BMPR1A: variants seen among roughly 807,000 people sequenced by gnomAD.
The protein encoded by BMPR1A is bone morphogenetic protein receptor type 1A.
A neutral mutation model predicts 66.0 loss-of-function variants in BMPR1A; 7 were observed. The ratio of observed to expected loss-of-function variants is 0.11; its 90% CI spans 0.06 to 0.20. BMPR1A has a LOEUF of 0.20. Among genes scored for constraint, BMPR1A ranks in the 10% least tolerant of loss-of-function variants. BMPR1A has a pLI of 1.00. For missense variants in BMPR1A, 408 were observed against 669.1 expected, an observed-to-expected ratio of 0.61 and a Z score of 4.31; for synonymous variants, 200 against 229.7, an observed-to-expected ratio of 0.87 and a Z score of 1.17.
At chr10:86,921,390 A>T (rs1843661535) in intron 10 of BMPR1A, 130 bp from the exon 11 acceptor site, 8 of 1,258,278 alleles carry the variant, frequency 6.4e-6, no homozygotes, top group Non-Finnish European at 9.0e-6. Context: ...AAAAATCTGA[A>T]AAATGCTAAA....
chr10:86,779,450 A>G (rs1380408663), intron 1 of BMPR1A, among the ~76,000 whole-genome samples: 1 of 152,084 alleles, frequency 6.6e-6, no homozygotes, highest in Admixed American at 6.6e-5. Flanking sequence ...CCATTTGCCC[A>G]TTTTTAATTG....
At chr10:86,761,962 C>CA (rs1246031153) in intron 1 of BMPR1A, among the ~76,000 whole-genome samples, 3 of 152,170 alleles carry the variant, frequency 2.0e-5, no homozygotes, top group Non-Finnish European at 4.4e-5. Flanking sequence ...TGGGGTTTGA[C>CA]AGAGGTTTGT....
chr10:86,810,214 C>G lies in BMPR1A; in HGVS notation c.-267-28651C>G, dbSNP rs1338723371. Among the ~76,000 whole-genome samples, 3 of 152,124 alleles carry G rather than the reference C, an allele frequency of 2.0e-5. No individual in the cohort carries two copies. In the East Asian group the frequency reaches 5.8e-4, roughly 29 times the overall value. On this transcript the variant is annotated intron_variant, in intron 1 of 12. Transcript: ENST00000372037. ...CAGGCTGGTCTTGAACTACTGACCT[C>G]AGGTGATCCACCCGCCTCAGTCTCC... is the stretch of plus-strand genomic sequence containing the variant.
intron 1 of BMPR1A, among the ~76,000 whole-genome samples, chr10:86,774,796 A>G (rs1841319870): frequency 6.6e-6 from 1 of 152,262 alleles, no homozygotes; most frequent in African/African-American, 2.4e-5. Context: ...TGTCATTTAC[A>G]CTAAATAAAT....
intron 1 of BMPR1A, among the ~76,000 whole-genome samples, chr10:86,805,331 A>C (rs540879709): frequency 2.7e-5 from 4 of 149,510 alleles, no homozygotes; most frequent in African/African-American, 7.5e-5. Context: ...ACATTTTCCC[A>C]TATTTGCATT....
At chr10:86,846,854 ACT>A (rs1207456955) in intron 2 of BMPR1A, among the ~76,000 whole-genome samples, 1 of 151,786 alleles carries the variant, frequency 6.6e-6, no homozygotes, top group African/African-American at 2.4e-5. Context: ...GTTTAGTCCC[ACT>A]CTCTTCCATT....
chr10:86,926,124 G>A lies in BMPR1A; in HGVS notation c.*2405G>A. On this transcript the variant is annotated 3_prime_UTR_variant, in exon 13 of 13. Transcript: ENST00000372037. ...GGTTTTTTAAAATTAACTTGGTCTA[G>A]TAAAAGTGATATCAAGAGTTAATCT... 1 of 170,694 alleles carries A rather than the reference G, an allele frequency of 5.9e-6. No homozygotes were observed. Among genetic ancestry groups the A allele is most frequent in the East Asian group, 1.1e-4 (1 of 9,046 alleles). 10.6% of individuals were successfully genotyped at this position (170,694 alleles called of 1,614,324 possible).
At chr10:86,912,946 A>G (rs971090494) in intron 8 of BMPR1A, among the ~76,000 whole-genome samples, 2 of 152,208 alleles carry the variant, frequency 1.3e-5, no homozygotes, top group Admixed American at 1.3e-4. Flanking sequence ...TCTTGGTATC[A>G]GGGAAAAAAA....
At chr10:86,904,281 A>T (rs979528623) in intron 7 of BMPR1A, among the ~76,000 whole-genome samples, 1 of 152,230 alleles carries the variant, frequency 6.6e-6, no homozygotes, top group Admixed American at 6.5e-5. Context: ...CATGAAGAAA[A>T]CTACATTAAG....
In BMPR1A at chr10:86,875,989, A is replaced by C. The variant is rs1842916125; in HGVS notation, c.-30A>C. On this transcript the variant is annotated 5_prime_UTR_variant, in exon 3 of 13. Coordinates refer to ENST00000372037, the MANE Select transcript of BMPR1A (RefSeq NM_004329.3). ...GTAGCAAGACCAATTATTAAAGGTG[A>C]CAGTACACAGGAAACATTACAATTG... The C allele has an allele frequency of 6.5e-7, 1 of 1,541,204 alleles. No homozygotes were observed. Among genetic ancestry groups the C allele is most frequent in the South Asian group, 1.1e-5 (1 of 89,520 alleles).
intron 2 of BMPR1A, among the ~76,000 whole-genome samples, chr10:86,845,996 C>CA (rs879412518): frequency 0.019 from 2,510 of 129,132 alleles, 27 homozygotes; most frequent in Non-Finnish European, 0.022. Flanking sequence ...GACTCCGTCT[C>CA]AAAAAAAAAA....
At chr10:86,846,491 C>T (rs937099247) in intron 2 of BMPR1A, among the ~76,000 whole-genome samples, 7 of 152,156 alleles carry the variant, frequency 4.6e-5, no homozygotes, top group Non-Finnish European at 7.3e-5. Flanking sequence ...GGGCCGTCAG[C>T]GTGCCTCTTC....
chr10:86,791,885 CT>C (rs548020994), intron 1 of BMPR1A, among the ~76,000 whole-genome samples: 226 of 137,358 alleles, frequency 1.6e-3, no homozygotes, highest in Admixed American at 1.8e-3. Context: ...CCATGCCTGG[CT>C]TTTTTTTTTT....
intron 7 of BMPR1A, among the ~76,000 whole-genome samples, chr10:86,905,100 T>C (rs1173712979): frequency 6.6e-6 from 1 of 152,192 alleles, no homozygotes; most frequent in Admixed American, 6.5e-5. Context: ...TCATTAATAT[T>C]TTGTTTCCCT....
At chr10:86,915,187 A>C (rs1843547375) in intron 8 of BMPR1A, among the ~76,000 whole-genome samples, 1 of 152,090 alleles carries the variant, frequency 6.6e-6, no homozygotes, top group Non-Finnish European at 1.5e-5. Flanking sequence ...CACCATGCCC[A>C]GCTAATTTTT....
At position 86,925,760 on chromosome 10, in the gene BMPR1A, G is replaced by A. The variant is rs1341547533; in HGVS notation, c.*2041G>A. The A allele has an allele frequency of 5.1e-4, 65 of 126,394 alleles. No individual in the cohort carries two copies. The highest frequency in any genetic ancestry group is 2.1e-3 in the African/African-American group (58 of 28,192). 7.8% of individuals were successfully genotyped at this position (126,394 alleles called of 1,614,324 possible). Reference sequence around the variant, plus strand: ...TTTTGAGACGGAGTCTCGCTCTGTCGCCCAGGCTGGACTGCGGACTGCAGT... The same window carrying A: ...TTTTGAGACGGAGTCTCGCTCTGTCACCCAGGCTGGACTGCGGACTGCAGT... On this transcript the variant is annotated 3_prime_UTR_variant, in exon 13 of 13. Transcript: ENST00000372037.
At chr10:86,922,515 C>T (rs536430976) in intron 11 of BMPR1A, among the ~76,000 whole-genome samples, 10 of 152,202 alleles carry the variant, frequency 6.6e-5, no homozygotes, top group Non-Finnish European at 1.5e-4. Flanking sequence ...TGAAGGACCA[C>T]AGGACTCGGC....
chr10:86,799,461 CCTTCCTTT>C (rs1384663307), intron 1 of BMPR1A, among the ~76,000 whole-genome samples: 12 of 141,268 alleles, frequency 8.5e-5, no homozygotes, highest in South Asian at 4.8e-4. Context: ...TTTCTTTCTT[CCTTCCTTT>C]CTTCCTTCCT....
At chr10:86,758,367 ATTTTTTT>A (rs200528013) in intron 1 of BMPR1A, among the ~76,000 whole-genome samples, 4 of 141,012 alleles carry the variant, frequency 2.8e-5, no homozygotes, top group Non-Finnish European at 4.6e-5. Context: ...AAGAGGGAGA[ATTTTTTT>A]TTTTTTTTTT....
Sources: gnomAD v4.1 joint callset for allele counts (sites outside exome capture counted in the v4.1 genomes callset) on GRCh38, gnomAD v4.1.1 for gene constraint, MANE v1.5 for transcripts, NCBI Gene and HGNC (gene_info 2026-07-23, HGNC 2026-07-21) for gene names.